SCFD2: variants seen among roughly 807,000 people sequenced by gnomAD.
The protein encoded by SCFD2 is sec1 family domain-containing protein 2.
A neutral mutation model predicts 58.9 loss-of-function variants in SCFD2; 54 were observed. That is an observed-to-expected ratio of 0.92 (90% confidence interval 0.74 to 1.15). The LOEUF (loss-of-function observed/expected upper bound fraction) is 1.15, where lower values mean the gene tolerates loss of function less well. Among genes scored for constraint, SCFD2 ranks in the 50% most tolerant of loss-of-function variants. The pLI, the probability that SCFD2 is intolerant of heterozygous loss-of-function variation, is 0.00. For synonymous variants in SCFD2, 321 were observed against 335.9 expected (o/e 0.96, Z 0.49); for missense variants, 805 against 836.6 (o/e 0.96, Z 0.47).
intron 3 of SCFD2, among the ~76,000 whole-genome samples, chr4:53,296,017 C>G (rs1452816151): frequency 3.3e-5 from 5 of 152,030 alleles, no homozygotes; most frequent in Non-Finnish European, 5.9e-5. Flanking sequence ...AGCTTTTTGA[C>G]ATGCTGCTGG....
chr4:53,255,856 T>A (rs1211098726), intron 4 of SCFD2, among the ~76,000 whole-genome samples: 2 of 138,676 alleles, frequency 1.4e-5, no homozygotes, highest in South Asian at 2.3e-4. Flanking sequence ...CCCCCCCACC[T>A]CCATCCCGGA....
At chr4:52,956,277 G>A (rs1347986783) in intron 5 of SCFD2, 1 of 456,510 alleles carries the variant, frequency 2.2e-6, no homozygotes, top group Non-Finnish European at 4.4e-6. Flanking sequence ...AGCCTGGAAG[G>A]GGAGCGGTGG....
chr4:52,883,481 ATT>A (rs1298985357), intron 8 of SCFD2, among the ~76,000 whole-genome samples: 3 of 152,226 alleles, frequency 2.0e-5, no homozygotes, highest in African/African-American at 7.2e-5. Context: ...TAAGCTCAAA[ATT>A]CTTTGAGAAG....
At chr4:53,266,460 C>T (rs1023492004) in intron 4 of SCFD2, among the ~76,000 whole-genome samples, 5 of 151,938 alleles carry the variant, frequency 3.3e-5, no homozygotes, top group African/African-American at 9.7e-5. Flanking sequence ...TGTATTAATA[C>T]ACATGTAATC....
chr4:53,022,908 G>C (rs1722383310), intron 5 of SCFD2, among the ~76,000 whole-genome samples: 1 of 152,168 alleles, frequency 6.6e-6, no homozygotes, highest in South Asian at 2.1e-4. Context: ...AAGAGTGTGA[G>C]AATTATTTAT....
At chr4:52,937,908 T>C (rs1013600705) in intron 5 of SCFD2, among the ~76,000 whole-genome samples, 1 of 152,236 alleles carries the variant, frequency 6.6e-6, no homozygotes, top group Non-Finnish European at 1.5e-5. Context: ...GAAATTTTCT[T>C]ATTATTCCAA....
At chr4:53,114,940 G>A (rs4314341) in intron 5 of SCFD2, among the ~76,000 whole-genome samples, 55,916 of 151,782 alleles carry the variant, frequency 0.37, 11,010 homozygotes, top group Non-Finnish European at 0.42. Context: ...TGTTAAGTAT[G>A]TGTATTCTAA....
At chr4:52,943,316 G>A (rs1720339969) in intron 5 of SCFD2, among the ~76,000 whole-genome samples, 1 of 152,302 alleles carries the variant, frequency 6.6e-6, no homozygotes, top group African/African-American at 2.4e-5. Context: ...ATATGTTTTA[G>A]TTTGTTCTGT....
intron 4 of SCFD2, among the ~76,000 whole-genome samples, chr4:53,260,143 T>G (rs1263575216): frequency 3.9e-5 from 6 of 152,056 alleles, no homozygotes; most frequent in Admixed American, 2.0e-4. Flanking sequence ...ATCTTTAGGG[T>G]TTTTTAGGTA....
rs879653109 is a variant in SCFD2 at position 52,943,963 on chromosome 4, G to A, written c.1562-23093C>T. On this transcript the variant is annotated intron_variant, in intron 5 of 8. Coordinates refer to ENST00000401642, the MANE Select transcript of SCFD2 (RefSeq NM_152540.4). ...TATCAAACAATCACATGAAATGAAA[G>A]CCTAACTACAAGAGCTCCAGGATGT... Among the ~76,000 whole-genome samples the A allele has an allele frequency of 1.5e-4, 23 of 152,122 alleles. 1 individual carries two copies. The highest frequency in any genetic ancestry group is 2.6e-4 in the Admixed American group (4 of 15,262).
intron 3 of SCFD2, among the ~76,000 whole-genome samples, chr4:53,304,546 T>G (rs1417557808): frequency 1.3e-5 from 2 of 151,954 alleles, no homozygotes; most frequent in Admixed American, 1.3e-4. Context: ...TTCTCTAATC[T>G]TGTCTTCTTG....
At chr4:53,015,454 A>C (rs1722188678) in intron 5 of SCFD2, among the ~76,000 whole-genome samples, 1 of 152,162 alleles carries the variant, frequency 6.6e-6, no homozygotes, top group Non-Finnish European at 1.5e-5. Context: ...AACCCAAAAA[A>C]CAAAACGAAC....
intron 2 of SCFD2, among the ~76,000 whole-genome samples, chr4:53,326,902 A>G (rs1266605407): frequency 6.6e-6 from 1 of 152,112 alleles, no homozygotes; most frequent in African/African-American, 2.4e-5. Context: ...TGACTATTCA[A>G]GTATACAGAC....
chr4:53,117,239 T>C (rs1223264109), intron 5 of SCFD2, among the ~76,000 whole-genome samples: 8 of 152,154 alleles, frequency 5.3e-5, no homozygotes, highest in Middle Eastern at 3.2e-3. Context: ...TACCACTTCC[T>C]GTGATCTGTC....
chr4:53,153,067 C>T (rs767902489), intron 4 of SCFD2, among the ~76,000 whole-genome samples: 4 of 152,138 alleles, frequency 2.6e-5, no homozygotes, highest in East Asian at 1.9e-4. Context: ...TTCCAAGCTC[C>T]GGATGCAAGC....
intron 4 of SCFD2, among the ~76,000 whole-genome samples, chr4:53,260,386 A>G (rs1730794449): frequency 6.6e-6 from 1 of 152,022 alleles, no homozygotes; most frequent in Non-Finnish European, 1.5e-5. Context: ...AACCTTTATT[A>G]CCTTAAGGTA....
intron 3 of SCFD2, among the ~76,000 whole-genome samples, chr4:53,309,145 A>G (rs1364463886): frequency 1.3e-5 from 2 of 152,004 alleles, no homozygotes; most frequent in African/African-American, 4.8e-5. Flanking sequence ...AAAAAAAAAA[A>G]GAGAAGCACA....
chr4:53,007,335 G>GA (rs1560508028), intron 5 of SCFD2, among the ~76,000 whole-genome samples: 93 of 39,114 alleles, frequency 2.4e-3, no homozygotes, highest in South Asian at 7.8e-3. Context: ...AGAGAGAGAG[G>GA]GAGAGAGAGA....
At chr4:53,295,752 ATTAT>A (rs1425823101) in intron 3 of SCFD2, among the ~76,000 whole-genome samples, 2 of 151,846 alleles carry the variant, frequency 1.3e-5, no homozygotes, top group Non-Finnish European at 2.9e-5. Context: ...TTGCCCATTC[ATTAT>A]GATATTGGCT....
Sources: gnomAD v4.1 joint callset for allele counts (sites outside exome capture counted in the v4.1 genomes callset) on GRCh38, gnomAD v4.1.1 for gene constraint, MANE v1.5 for transcripts, NCBI Gene and HGNC (gene_info 2026-07-23, HGNC 2026-07-21) for gene names.